Variants in TBC1D5 observed in about 807,000 individuals in gnomAD.
The protein encoded by TBC1D5 is TBC1 domain family, member 5.
In TBC1D5, 75 loss-of-function variants were observed where a neutral mutation model predicts 100.3. That is an observed-to-expected ratio of 0.75 (90% CI 0.62 to 0.91). The LOEUF (loss-of-function observed/expected upper bound fraction) is 0.91. Ranked by LOEUF, TBC1D5 falls within the 40% of genes least tolerant of loss-of-function variation. The pLI, the probability that TBC1D5 is intolerant of heterozygous loss-of-function variation, is 0.00. For missense variants in TBC1D5, 910 were observed against 942.4 expected (o/e 0.97, Z 0.45); for synonymous variants, 323 against 325.6 (o/e 0.99, Z 0.09).
chr3:17,568,762 A>G (rs1226592191), intron 2 of TBC1D5, among the ~76,000 whole-genome samples: 10 of 151,558 alleles, frequency 6.6e-5, no homozygotes, highest in Middle Eastern at 3.2e-3. Context: ...TATATTGCCT[A>G]TTTTCTTCTC....
At chr3:17,483,267 C>A (rs1466661672) in intron 3 of TBC1D5, among the ~76,000 whole-genome samples, 1 of 152,044 alleles carries the variant, frequency 6.6e-6, no homozygotes, top group South Asian at 2.1e-4. Flanking sequence ...CTATGGAATG[C>A]CATTAAAAAC....
At chr3:17,520,689 A>G (rs2096055146) in intron 2 of TBC1D5, among the ~76,000 whole-genome samples, 1 of 152,178 alleles carries the variant, frequency 6.6e-6, no homozygotes, top group South Asian at 2.1e-4. Flanking sequence ...AAATAAATAT[A>G]AGTAAATAAT....
chr3:17,413,574 GGTGT>G (rs1162308538), intron 4 of TBC1D5, among the ~76,000 whole-genome samples: 1 of 151,850 alleles, frequency 6.6e-6, no homozygotes, highest in Non-Finnish European at 1.5e-5. Context: ...TCATAACATT[GGTGT>G]GAAACTAGTA....
intron 10 of TBC1D5, among the ~76,000 whole-genome samples, chr3:17,375,695 T>A (rs2152093413): frequency 6.6e-6 from 1 of 152,168 alleles, no homozygotes; most frequent in Middle Eastern, 3.4e-3. Flanking sequence ...TCAGTAAAAT[T>A]AGCAAAGCTT....
At chr3:17,425,139 A>G (rs1559858540) in intron 4 of TBC1D5, among the ~76,000 whole-genome samples, 4 of 152,214 alleles carry the variant, frequency 2.6e-5, no homozygotes, top group African/African-American at 4.8e-5. Flanking sequence ...GATGATGATG[A>G]CACTGTCTGG....
At chr3:17,468,937 G>A (rs1272008858) in intron 3 of TBC1D5, among the ~76,000 whole-genome samples, 2 of 152,086 alleles carry the variant, frequency 1.3e-5, no homozygotes, top group South Asian at 4.2e-4. Context: ...TCTGCACCAG[G>A]ATATCAAAAA....
At chr3:17,596,464 G>A (rs1243374445) in intron 2 of TBC1D5, among the ~76,000 whole-genome samples, 1 of 151,216 alleles carries the variant, frequency 6.6e-6, no homozygotes, top group East Asian at 1.9e-4. Flanking sequence ...GATTACAGAT[G>A]CCCACCACCA....
At chr3:17,321,874 ACT>A (rs1204341577) in intron 13 of TBC1D5, among the ~76,000 whole-genome samples, 2 of 152,268 alleles carry the variant, frequency 1.3e-5, no homozygotes, top group African/African-American at 4.8e-5. Context: ...CAGTAATTTC[ACT>A]CTGTTTACAG....
At chr3:17,274,665 A>G (rs1406909166) in intron 15 of TBC1D5, among the ~76,000 whole-genome samples, 1 of 152,210 alleles carries the variant, frequency 6.6e-6, no homozygotes, top group Non-Finnish European at 1.5e-5. Flanking sequence ...CTGTTCCTCA[A>G]AGGCAGCTCA....
intron 2 of TBC1D5, among the ~76,000 whole-genome samples, chr3:17,601,890 C>T (rs2060976703): frequency 6.6e-6 from 1 of 151,948 alleles, no homozygotes; most frequent in Non-Finnish European, 1.5e-5. Flanking sequence ...AGTGCAGTGG[C>T]GCGATCTCGG....
At chr3:17,399,877 G>C (rs1438061407) in intron 8 of TBC1D5, among the ~76,000 whole-genome samples, 1 of 152,026 alleles carries the variant, frequency 6.6e-6, no homozygotes, top group Non-Finnish European at 1.5e-5. Context: ...TCTTGCCCTA[G>C]TTCTTCAGAT....
intron 16 of TBC1D5, among the ~76,000 whole-genome samples, chr3:17,243,415 A>G (rs547734889): frequency 6.6e-6 from 1 of 152,352 alleles, no homozygotes; most frequent in African/African-American, 2.4e-5. Flanking sequence ...TTGAGGTGAC[A>G]GATACGCTAA....
chr3:17,160,130 A>AAATC (rs1413229728), exon 22 of TBC1D5: 2 of 152,216 alleles, frequency 1.3e-5, no homozygotes, highest in Admixed American at 6.5e-5. Flanking sequence ...ATATCTTTTG[A>AAATC]AATCAGTGCA....
At chr3:17,583,087 C>A (rs9880971) in intron 2 of TBC1D5, among the ~76,000 whole-genome samples, 60,591 of 151,812 alleles carry the variant, frequency 0.4, 12,770 homozygotes, top group Middle Eastern at 0.49. Context: ...GAGTTCAAGA[C>A]CAGCCTGGGC....
chr3:17,497,230 C>G lies in TBC1D5; in HGVS notation c.97+11244G>C, dbSNP rs74674547. 3.5e-3 allele frequency among the ~76,000 whole-genome samples: 527 copies of G among 152,196 alleles called. 3 individuals carry two copies. The highest frequency in any genetic ancestry group is 0.012 in the African/African-American group (512 of 41,528). On this transcript the variant is annotated intron_variant, in intron 3 of 21. Coordinates refer to ENST00000253692, the Ensembl canonical transcript of TBC1D5. ...TCTCAGAGAGATCTTCTCTGACAAT[C>G]TAAAGTACTCACCTTGTCACTCACT...
intron 3 of TBC1D5, among the ~76,000 whole-genome samples, chr3:17,506,769 TA>T (rs1015002256): frequency 8.1e-4 from 118 of 145,008 alleles, no homozygotes; most frequent in African/African-American, 1.8e-3. Context: ...TTAACCAGGT[TA>T]AAAAAAAAAA....
At chr3:17,404,654 C>A in intron 7 of TBC1D5, 40 bp downstream of exon 7, 1 of 1,532,502 alleles carries the variant, frequency 6.5e-7, no homozygotes, top group South Asian at 1.3e-5. Context: ...ATATTCTTAG[C>A]AGCAAAAGAG....
chr3:17,684,732 AT>A (rs2070009475), intron 1 of TBC1D5, among the ~76,000 whole-genome samples: 1 of 152,052 alleles, frequency 6.6e-6, no homozygotes, highest in African/African-American at 2.4e-5. Context: ...AAATATAAAA[AT>A]TTCCATAAGA....
In TBC1D5 at chr3:17,332,212, T is replaced by C. The variant is rs527945336; in HGVS notation, c.996-24078A>G. On this transcript the variant is annotated intron_variant, in intron 13 of 21. Transcript: ENST00000253692. Reference sequence around the variant, plus strand: ...CAAGTGGGGGTATTCTGGATATATTTTGAAGATACGGCCAATGTGATTTGT... The same window carrying C: ...CAAGTGGGGGTATTCTGGATATATTCTGAAGATACGGCCAATGTGATTTGT... 5.7e-4 allele frequency among the ~76,000 whole-genome samples: 87 copies of C among 152,192 alleles called. 1 individual carries two copies. In the South Asian group the frequency reaches 0.017, roughly 30 times the overall value.
Sources: allele counts gnomAD v4.1 joint callset (sites outside exome capture counted in the v4.1 genomes callset), GRCh38; gene constraint gnomAD v4.1.1; transcripts MANE v1.5; gene names NCBI Gene and HGNC (gene_info 2026-07-23, HGNC 2026-07-21).